The following MRNIP variants were observed in gnomAD, a reference collection of about 807,000 sequenced individuals.
MRNIP encodes MRN complex interacting protein, also known as MRN complex-interacting protein.
A neutral mutation model predicts 29.8 loss-of-function variants in MRNIP; 30 were observed. That is an observed-to-expected ratio of 1.01 (90% CI 0.75 to 1.36). The LOEUF (loss-of-function observed/expected upper bound fraction) is 1.36, where lower values mean the gene tolerates loss of function less well. Among genes scored for constraint, MRNIP ranks in the 40% most tolerant of loss-of-function variants. The pLI, the probability that MRNIP is intolerant of heterozygous loss-of-function variation, is 0.00. For synonymous variants in MRNIP, 201 were observed against 164.1 expected, an observed-to-expected ratio of 1.23 and a Z score of -1.72; for missense variants, 459 against 423.5, an observed-to-expected ratio of 1.08 and a Z score of -0.74.
intron 6 of MRNIP, chr5:179,838,204 G>A (rs1758700313): frequency 2.5e-5 from 10 of 407,612 alleles, no homozygotes; most frequent in South Asian, 2.1e-4. Context: ...GAGCAGAAGG[G>A]CCTCGAGACA....
At chr5:179,853,865 A>G (rs1759476784) in intron 1 of MRNIP, among the ~76,000 whole-genome samples, 1 of 152,026 alleles carries the variant, frequency 6.6e-6, no homozygotes, top group Non-Finnish European at 1.5e-5. Flanking sequence ...GGTGTGTACC[A>G]CCACGCCCAG....
chr5:179,841,944 G>T lies in MRNIP; in HGVS notation c.412C>A (p.Pro138Thr). The T allele has an allele frequency of 6.2e-7, 1 of 1,614,148 alleles. No individual in the cohort carries two copies. Residue 138 changes from proline (P) to threonine (T), a missense_variant, in exon 5 of 7, where the codon CCA (proline) becomes ACA (threonine). Coordinates refer to ENST00000292586, the MANE Select transcript of MRNIP (RefSeq NM_016175.4). ...SKQPSSKMEEPGPRFSQDLPR... is the reference protein window; with the variant it reads ...SKQPSSKMEETGPRFSQDLPR... ...AGGTCTTGACTGAAGCGGGGGCCTG[G>T]CTCCTCCATTTTGGATGAAGGCTGT...
intron 4 of MRNIP, among the ~76,000 whole-genome samples, chr5:179,842,577 G>A (rs1446494456): frequency 6.6e-6 from 1 of 151,046 alleles, no homozygotes; most frequent in Non-Finnish European, 1.5e-5. Flanking sequence ...GCAGGCACCT[G>A]TAGTCCCAGC....
At chr5:179,854,104 TC>T (rs1759488797) in intron 1 of MRNIP, among the ~76,000 whole-genome samples, 1 of 145,740 alleles carries the variant, frequency 6.9e-6, no homozygotes. Flanking sequence ...CACTGCAAGC[TC>T]CCCCTCCCGG....
At chr5:179,855,804 T>C (rs139017379) in intron 1 of MRNIP, among the ~76,000 whole-genome samples, 5 of 152,164 alleles carry the variant, frequency 3.3e-5, no homozygotes, top group East Asian at 1.9e-4. Flanking sequence ...CTACCAAAAA[T>C]TGAACTGGGT....
rs1431381345 is a variant in MRNIP, at chr5:179,842,844, G to GAC, written c.292-781_292-780insGT. 1.3e-3 allele frequency among the ~76,000 whole-genome samples: 199 copies of GAC among 150,316 alleles called. 2 individuals carry two copies. Among genetic ancestry groups the GAC allele is most frequent in the Non-Finnish European group, 7.8e-4 (53 of 67,606 alleles). On this transcript the variant is annotated intron_variant, in intron 4 of 6. Transcript: ENST00000292586. ...GCTCAGGAGTTCAAGACTAGCCTAG[G>GAC]CAACATGGTGAAACCCCGTCTCTAC...
At chr5:179,855,134 T>A (rs1453904564) in intron 1 of MRNIP, among the ~76,000 whole-genome samples, 1 of 142,566 alleles carries the variant, frequency 7.0e-6, no homozygotes, top group Non-Finnish European at 1.5e-5. Flanking sequence ...GCCAATTTTT[T>A]AATTTTAATT....
chr5:179,837,676 A>G lies in MRNIP; in HGVS notation c.747T>C (p.Ser249=). ...CAGCTGGCCTGGGGTCCCTCTGAAG[A>G]GACCTTGGCTGCTCACTGTCCACAT... ...SSHVDSEQPR[S]LQRDPRPAGP... Residue 249 remains serine, a synonymous_variant, in exon 7 of 7, where the codon TCT becomes TCC. Transcript: ENST00000292586. 1 of 1,614,190 alleles carries G rather than the reference A, an allele frequency of 6.2e-7. No individual in the cohort carries two copies.
At position 179,848,759 on chromosome 5, in the gene MRNIP, C is replaced by T. The variant is rs1023353634; in HGVS notation, c.127-693G>A. ...TTCAAAATGGTCAAGAAATGCATCTCTAAGAAGGTAACGTTTGAGCACAAA... is the reference window on the plus strand; with the variant it reads ...TTCAAAATGGTCAAGAAATGCATCTTTAAGAAGGTAACGTTTGAGCACAAA... On this transcript the variant is annotated intron_variant, in intron 2 of 6. Coordinates refer to ENST00000292586, the MANE Select transcript of MRNIP (RefSeq NM_016175.4). 3.9e-5 allele frequency among the ~76,000 whole-genome samples: 6 copies of T among 152,172 alleles called. No individual in the cohort carries two copies. In the East Asian group the frequency reaches 5.8e-4, roughly 15 times the overall value.
chr5:179,856,376 G>T (rs1759580959), intron 1 of MRNIP, among the ~76,000 whole-genome samples: 1 of 152,174 alleles, frequency 6.6e-6, no homozygotes, highest in Admixed American at 6.5e-5. Flanking sequence ...TAAGTCAAAG[G>T]TTGTTGAAGT....
chr5:179,841,050 G>A, intron 5 of MRNIP, 91 bp from the exon 6 acceptor site: 1 of 896,926 alleles, frequency 1.1e-6, no homozygotes, highest in Non-Finnish European at 1.7e-6. Context: ...AGGCTCGGGT[G>A]GCCACCTGCT....
intron 4 of MRNIP, 118 bp from the exon 5 acceptor site, chr5:179,842,182 G>T: frequency 1.0e-6 from 1 of 998,714 alleles, no homozygotes; most frequent in Non-Finnish European, 1.5e-6. Flanking sequence ...CTCCACTCTA[G>T]GAAAGGCACC....
intron 1 of MRNIP, 26 bp downstream of exon 1, chr5:179,858,705 G>A (rs1295961232): frequency 3.5e-6 from 5 of 1,421,820 alleles, no homozygotes; most frequent in African/African-American, 1.4e-5. Context: ...GCCGGAGGAG[G>A]AGGAGGGGGC....
At chr5:179,843,047 A>AAGGAAGGAAGGAAGGAAGGG (rs1561616686) in intron 4 of MRNIP, among the ~76,000 whole-genome samples, 5 of 83,258 alleles carry the variant, frequency 6.0e-5, no homozygotes, top group Non-Finnish European at 1.1e-4. Context: ...GGAAAGAAGG[A>AAGGAAGGAAGGAAGGAAGGG]AGGAAGGAAG....
chr5:179,838,253 C>T (rs1469465476), intron 6 of MRNIP: 3 of 284,438 alleles, frequency 1.1e-5, no homozygotes, highest in African/African-American at 6.5e-5. Context: ...TGCTACCTCC[C>T]ACCGGGGGGC....
chr5:179,845,416 T>G (rs1231832960), intron 3 of MRNIP, among the ~76,000 whole-genome samples: 2 of 152,196 alleles, frequency 1.3e-5, no homozygotes, highest in South Asian at 2.1e-4. Flanking sequence ...CCCAAATTGC[T>G]AGGATTACAG....
intron 3 of MRNIP, chr5:179,844,442 G>C: frequency 2.1e-6 from 1 of 475,156 alleles, no homozygotes; most frequent in Non-Finnish European, 3.8e-6. Context: ...GAAGGCAGAG[G>C]CTGCAGTGAG....
chr5:179,858,132 T>G (rs889411742), intron 1 of MRNIP, among the ~76,000 whole-genome samples: 2 of 152,082 alleles, frequency 1.3e-5, no homozygotes, highest in Non-Finnish European at 2.9e-5. Flanking sequence ...TGTTAAGTGA[T>G]ATCAAGCAGG....
intron 2 of MRNIP, among the ~76,000 whole-genome samples, chr5:179,852,909 G>T (rs1428518218): frequency 6.6e-6 from 1 of 152,208 alleles, no homozygotes; most frequent in Non-Finnish European, 1.5e-5. Flanking sequence ...TCCACTTCCT[G>T]AGCCCACTAT....
Sources: allele counts gnomAD v4.1 joint callset (sites outside exome capture counted in the v4.1 genomes callset), GRCh38; gene constraint gnomAD v4.1.1; transcripts MANE v1.5; gene names NCBI Gene and HGNC (gene_info 2026-07-23, HGNC 2026-07-21).